Variants in DACH1 observed in about 807,000 individuals in gnomAD.
The protein encoded by DACH1 is dachshund family transcription factor 1.
DACH1 carries 12 observed loss-of-function variants against 54.2 expected under a neutral mutation model. The ratio of observed to expected loss-of-function variants is 0.22; its 90% confidence interval spans 0.14 to 0.36. The LOEUF is 0.36. DACH1 is among the 10% of genes least tolerant of loss of function. The pLI, the probability that DACH1 is intolerant of heterozygous loss-of-function variation, is 1.00. For missense variants in DACH1, 805 were observed against 929.8 expected (o/e 0.87, Z 1.75); for synonymous variants, 386 against 366.2 (o/e 1.05, Z -0.62).
chr13:71,525,104 T>C (rs1881864373), intron 6 of DACH1, among the ~76,000 whole-genome samples: 2 of 152,138 alleles, frequency 1.3e-5, no homozygotes, highest in Admixed American at 1.3e-4. Flanking sequence ...TTTGAAATAA[T>C]GAGCCTTTGC....
intron 2 of DACH1, among the ~76,000 whole-genome samples, chr13:71,644,504 T>C (rs183421537): frequency 1.4e-4 from 21 of 152,332 alleles, no homozygotes; most frequent in Admixed American, 1.2e-3. Flanking sequence ...TAGATCCTCC[T>C]GTCACCAACA....
chr13:71,765,973 G>A (rs1314345894), intron 1 of DACH1, among the ~76,000 whole-genome samples: 1 of 145,818 alleles, frequency 6.9e-6, no homozygotes, highest in African/African-American at 2.5e-5. Context: ...TGCAAGCTCC[G>A]CCTCCCGGGT....
At chr13:71,629,775 T>C (rs971507468) in intron 3 of DACH1, among the ~76,000 whole-genome samples, 1 of 152,144 alleles carries the variant, frequency 6.6e-6, no homozygotes, top group Non-Finnish European at 1.5e-5. Context: ...TTAATTATAT[T>C]TTGAGCATGG....
intron 3 of DACH1, among the ~76,000 whole-genome samples, chr13:71,600,918 G>T (rs1204984967): frequency 6.6e-6 from 1 of 151,254 alleles, no homozygotes; most frequent in Non-Finnish European, 1.5e-5. Context: ...TTATACTTTT[G>T]TTGGTTCGGT....
chr13:71,462,081 A>G (rs1357839035), intron 10 of DACH1, among the ~76,000 whole-genome samples: 1 of 151,946 alleles, frequency 6.6e-6, no homozygotes, highest in Non-Finnish European at 1.5e-5. Flanking sequence ...GTCAGATCCA[A>G]TAATTTGTAG....
chr13:71,483,533 A>AT (rs1447762998), intron 7 of DACH1, among the ~76,000 whole-genome samples: 1 of 147,258 alleles, frequency 6.8e-6, no homozygotes, highest in Non-Finnish European at 1.5e-5. Flanking sequence ...AATTACAATA[A>AT]TTTTTATAAT....
At chr13:71,457,217 T>C (rs1449569110) in intron 10 of DACH1, among the ~76,000 whole-genome samples, 2 of 152,074 alleles carry the variant, frequency 1.3e-5, no homozygotes, top group African/African-American at 4.8e-5. Flanking sequence ...TATGACTCTA[T>C]TCAATGTAAG....
intron 1 of DACH1, among the ~76,000 whole-genome samples, chr13:71,842,380 G>A (rs1204099266): frequency 6.6e-6 from 1 of 151,252 alleles, no homozygotes; most frequent in African/African-American, 2.4e-5. Flanking sequence ...TTCAAGACCA[G>A]CCTGGGCAAA....
At chr13:71,528,629 AC>A (rs1381950903) in intron 6 of DACH1, among the ~76,000 whole-genome samples, 1 of 151,652 alleles carries the variant, frequency 6.6e-6, no homozygotes, top group African/African-American at 2.4e-5. Context: ...ACGGCGTTTC[AC>A]CCTGTTAGCC....
chr13:71,523,986 A>G (rs1265361058), intron 6 of DACH1, among the ~76,000 whole-genome samples: 1 of 152,146 alleles, frequency 6.6e-6, no homozygotes, highest in African/African-American at 2.4e-5. Context: ...GTAAAGATGC[A>G]TTAAAACTAG....
intron 3 of DACH1, among the ~76,000 whole-genome samples, chr13:71,603,116 A>C (rs2138496301): frequency 6.6e-6 from 1 of 152,114 alleles, no homozygotes; most frequent in Non-Finnish European, 1.5e-5. Context: ...TTTGGTAGTG[A>C]CATACAGAAT....
At chr13:71,737,018 A>T (rs1219988369) in intron 1 of DACH1, among the ~76,000 whole-genome samples, 1 of 152,156 alleles carries the variant, frequency 6.6e-6, no homozygotes, top group Non-Finnish European at 1.5e-5. Context: ...TGGCAGGCTG[A>T]GGTGGGCGGA....
intron 1 of DACH1, among the ~76,000 whole-genome samples, chr13:71,778,134 AT>A (rs1886144385): frequency 6.6e-6 from 1 of 150,998 alleles, no homozygotes; most frequent in African/African-American, 2.4e-5. Context: ...AAATAAATAA[AT>A]AAATAAAACT....
At chr13:71,695,364 A>G (rs188367177) in intron 1 of DACH1, among the ~76,000 whole-genome samples, 1 of 152,328 alleles carries the variant, frequency 6.6e-6, no homozygotes, top group East Asian at 1.9e-4. Flanking sequence ...AGGCAGCAAA[A>G]TATAACCCTC....
intron 1 of DACH1, among the ~76,000 whole-genome samples, chr13:71,820,709 A>G (rs1317718647): frequency 6.6e-6 from 1 of 152,244 alleles, no homozygotes; most frequent in Non-Finnish European, 1.5e-5. Context: ...ACATTCATGT[A>G]GAAAGAGCAT....
intron 1 of DACH1, among the ~76,000 whole-genome samples, chr13:71,737,455 C>T (rs1884187786): frequency 6.6e-6 from 1 of 152,194 alleles, no homozygotes; most frequent in Non-Finnish European, 1.5e-5. Flanking sequence ...AGCCACAGAA[C>T]ATACAATATT....
chr13:71,439,799 A>G lies in DACH1; in HGVS notation c.*856T>C, dbSNP rs1873845617. 1 of 152,468 alleles carries G rather than the reference A, an allele frequency of 6.6e-6. No homozygotes were observed. The highest frequency in any genetic ancestry group is 2.4e-5 in the African/African-American group (1 of 41,432). 9.4% of individuals were successfully genotyped at this position (152,468 alleles called of 1,614,324 possible). ...AATTTTCATTTTCCTAAACTCTAGT[A>G]TACTACTGCATACATAATACCTTCC... On this transcript the variant is annotated 3_prime_UTR_variant, in exon 11 of 11. Transcript: ENST00000613252.
intron 1 of DACH1, among the ~76,000 whole-genome samples, chr13:71,721,846 T>C (rs1460446166): frequency 1.3e-5 from 2 of 152,178 alleles, no homozygotes; most frequent in African/African-American, 4.8e-5. Flanking sequence ...AACAATATGT[T>C]AAAGCATTTT....
chr13:71,738,825 T>C (rs7999845), intron 1 of DACH1, among the ~76,000 whole-genome samples: 119,351 of 149,570 alleles, frequency 0.8, 48,607 homozygotes, highest in Non-Finnish European at 0.9. Context: ...AGGACTGAGA[T>C]GATCTGGCAA....
Sources: allele counts gnomAD v4.1 joint callset (sites outside exome capture counted in the v4.1 genomes callset), GRCh38; gene constraint gnomAD v4.1.1; transcripts MANE v1.5; gene names NCBI Gene and HGNC (gene_info 2026-07-23, HGNC 2026-07-21).